The following SPATA22 variants were observed in gnomAD, a reference collection of about 807,000 sequenced individuals.
SPATA22 encodes spermatogenesis associated 22, also known as spermatogenesis-associated protein 22.
A neutral mutation model predicts 47.8 loss-of-function variants in SPATA22; 29 were observed. That is an observed-to-expected ratio of 0.61 (90% confidence interval 0.45 to 0.83). The LOEUF (loss-of-function observed/expected upper bound fraction) is 0.83. Among genes scored for constraint, SPATA22 ranks in the 40% least tolerant of loss-of-function variants. The pLI, the probability that SPATA22 is intolerant of heterozygous loss-of-function variation, is 0.00. For synonymous variants in SPATA22, 133 were observed against 140.9 expected, an observed-to-expected ratio of 0.94 and a Z score of 0.40; for missense variants, 410 against 421.7, an observed-to-expected ratio of 0.97 and a Z score of 0.24.
At chr17:3,447,490 T>C (rs1190094957) in intron 6 of SPATA22, among the ~76,000 whole-genome samples, 1 of 152,164 alleles carries the variant, frequency 6.6e-6, no homozygotes, top group Non-Finnish European at 1.5e-5. Flanking sequence ...AAGGTGATTA[T>C]GTCATATAAT....
At position 3,471,769 on chromosome 17, in the gene SPATA22, G is replaced by A. The variant is rs2073443090; in HGVS notation, c.-161C>T. 3.0e-6 allele frequency: 3 copies of A among 985,632 alleles called. No homozygotes were observed. In the African/African-American group the frequency reaches 5.2e-5, roughly 17 times the overall value. The allele number at this position is 985,632 out of a possible 1,614,324, so 61.1% of individuals were successfully genotyped here. ...GCCTCCGTCAACCGTCGTCCAGGCG[G>A]CCCCGTCAGCAACCGCCGCCCTTCC... On this transcript the variant is annotated 5_prime_UTR_variant, in exon 1 of 9. Transcript: ENST00000572969.
In SPATA22 at chr17:3,479,214, A is replaced by G. The variant is rs1398063870; in HGVS notation, c.-73-9816T>C. On this transcript the variant is annotated intron_variant, in intron 1 of 8. Transcript: ENST00000541913. ...TTCTTCATCCCTTGGGACTCTTCCA[A>G]TGGGAGCTCAACTGCAGGCATGAGA... 3.3e-5 allele frequency among the ~76,000 whole-genome samples: 5 copies of G among 152,160 alleles called. No homozygotes were observed. In the East Asian group the frequency reaches 9.6e-4, roughly 29 times the overall value.
intron 1 of SPATA22, among the ~76,000 whole-genome samples, chr17:3,494,905 T>C (rs1307018164): frequency 2.0e-5 from 3 of 152,194 alleles, no homozygotes; most frequent in Non-Finnish European, 4.4e-5. Context: ...GCCATGTAGC[T>C]ATCAATGACA....
chr17:3,489,469 T>C, intron 1 of SPATA22: 1 of 737,912 alleles, frequency 1.4e-6, no homozygotes, highest in South Asian at 1.6e-5. Flanking sequence ...TCACTTCAGC[T>C]ATTCCCCAAT....
upstream of SPATA22, chr17:3,472,267 C>T (rs1405424006): frequency 6.6e-6 from 1 of 152,448 alleles, no homozygotes; most frequent in Non-Finnish European, 1.5e-5. Flanking sequence ...AGCTGAAGCC[C>T]AGGTTCAGAT....
chr17:3,471,529 C>T, intron 1 of SPATA22, 153 bp downstream of exon 1: 1 of 985,416 alleles, frequency 1.0e-6, no homozygotes, highest in Non-Finnish European at 1.2e-6. Context: ...CACACACACA[C>T]ACACCACCCA....
intron 1 of SPATA22, among the ~76,000 whole-genome samples, chr17:3,497,517 T>C (rs1267512371): frequency 6.6e-6 from 1 of 152,102 alleles, no homozygotes; most frequent in African/African-American, 2.4e-5. Context: ...TCACTGTAGG[T>C]AAATTTAAAA....
Position 3,483,347 on chromosome 17 carries a change from A to G in SPATA22, c.-73-13949T>C, listed in dbSNP as rs1279281842. ...TTTATTTGTATGTTTTCAAAGCTAT[A>G]ATACCATTGGGTTTTAAAGTATTTC... On this transcript the variant is annotated intron_variant, in intron 1 of 8. Coordinates refer to the SPATA22 transcript ENST00000541913. 7 of 692,874 alleles carry G rather than the reference A, an allele frequency of 1.0e-5. No individual in the cohort carries two copies. In the Middle Eastern group the frequency reaches 7.7e-4, roughly 76 times the overall value. 42.9% of individuals were successfully genotyped at this position (692,874 alleles called of 1,614,324 possible).
chr17:3,456,979 C>T (rs1486594869), intron 5 of SPATA22, among the ~76,000 whole-genome samples: 1 of 151,296 alleles, frequency 6.6e-6, no homozygotes, highest in Admixed American at 6.6e-5. Flanking sequence ...GCAGAAAAGG[C>T]CCTTGACAAA....
chr17:3,445,788 T>C (rs2072713236), intron 7 of SPATA22, among the ~76,000 whole-genome samples: 1 of 152,050 alleles, frequency 6.6e-6, no homozygotes, highest in African/African-American at 2.4e-5. Flanking sequence ...TACATCTATA[T>C]ATACACACAT....
At chr17:3,502,434 G>A (rs2074001109) in intron 1 of SPATA22, 1 of 152,196 alleles carries the variant, frequency 6.6e-6, no homozygotes, top group South Asian at 2.1e-4. Flanking sequence ...TAGTAGAAAT[G>A]AGTTGTGCAG....
rs961164454 is a variant in SPATA22 at position 3,483,956 on chromosome 17, G to A, written c.-73-14558C>T. On this transcript the variant is annotated intron_variant, in intron 1 of 8. Transcript: ENST00000541913. ...TACAGGCATGAGTCACTGCCTGGCCGAGAAAATTATTTTTAAAAAAACATT... is the reference window on the plus strand; with the variant it reads ...TACAGGCATGAGTCACTGCCTGGCCAAGAAAATTATTTTTAAAAAAACATT... 8.5e-5 allele frequency among the ~76,000 whole-genome samples: 13 copies of A among 152,208 alleles called. 1 individual carries two copies. The South Asian group carries it at 2.3e-3, about 27-fold the overall frequency.
intron 5 of SPATA22, among the ~76,000 whole-genome samples, chr17:3,458,383 A>C (rs1197357961): frequency 1.3e-5 from 2 of 152,218 alleles, no homozygotes; most frequent in African/African-American, 4.8e-5. Context: ...TGGAAATGTA[A>C]CTTGATACAG....
intron 1 of SPATA22, chr17:3,489,164 A>T (rs1228596413): frequency 1.1e-6 from 1 of 943,116 alleles, no homozygotes; most frequent in African/African-American, 1.7e-5. Context: ...ATCTTGATAC[A>T]TTAAAATGCT....
chr17:3,489,223 T>C lies in SPATA22; in HGVS notation c.-73-19825A>G. 3 of 1,528,280 alleles carry C rather than the reference T, an allele frequency of 2.0e-6. No individual in the cohort carries two copies. Among genetic ancestry groups the C allele is most frequent in the African/African-American group, 1.4e-5 (1 of 73,162 alleles). 94.7% of individuals were successfully genotyped at this position (1,528,280 alleles called of 1,614,324 possible). A position where few individuals can be genotyped will look rare whatever the true frequency, so the allele number is the denominator to read the frequency against. On this transcript the variant is annotated intron_variant, in intron 1 of 8. Coordinates refer to the SPATA22 transcript ENST00000541913. ...CTTATATAAATGTGACTATCTCTCC[T>C]TCTGTACCTAGGTATAGAAGTTGGT...
At chr17:3,494,264 A>G in intron 1 of SPATA22, 1 of 1,052,904 alleles carries the variant, frequency 9.5e-7, no homozygotes, top group Non-Finnish European at 1.5e-6. Context: ...TCGGCCTCCC[A>G]AAGTGCTGGG....
chr17:3,458,265 A>G (rs2073041413), intron 5 of SPATA22, among the ~76,000 whole-genome samples: 1 of 152,188 alleles, frequency 6.6e-6, no homozygotes, highest in Admixed American at 6.5e-5. Flanking sequence ...CAAAACTACA[A>G]TGATATATTA....
At chr17:3,489,753 G>A (rs1231363284) in intron 1 of SPATA22, among the ~76,000 whole-genome samples, 1 of 152,148 alleles carries the variant, frequency 6.6e-6, no homozygotes. Context: ...TTACCTGCTG[G>A]TGAACATATA....
At chr17:3,495,621 T>A (rs1421247492) in intron 1 of SPATA22, among the ~76,000 whole-genome samples, 2 of 152,184 alleles carry the variant, frequency 1.3e-5, no homozygotes, top group Non-Finnish European at 2.9e-5. Flanking sequence ...CAGGCTGGAG[T>A]GCAGTGGTGC....
Sources: gnomAD v4.1 joint callset for allele counts (sites outside exome capture counted in the v4.1 genomes callset) on GRCh38, gnomAD v4.1.1 for gene constraint, MANE v1.5 for transcripts, NCBI Gene and HGNC (gene_info 2026-07-23, HGNC 2026-07-21) for gene names.